MAP2K1: variants seen among roughly 807,000 people sequenced by gnomAD.
MAP2K1 encodes the protein dual specificity mitogen-activated protein kinase kinase 1.
A neutral mutation model predicts 46.3 loss-of-function variants in MAP2K1; 16 were observed. The ratio of observed to expected loss-of-function variants is 0.35; its 90% CI spans 0.23 to 0.52. The LOEUF is 0.52. Among genes scored for constraint, MAP2K1 ranks in the 20% least tolerant of loss-of-function variants. MAP2K1 has a pLI of 0.94. For missense variants in MAP2K1, 263 were observed against 497.1 expected (o/e 0.53, Z 4.48); for synonymous variants, 183 against 185.6 (o/e 0.99, Z 0.11).
intron 1 of MAP2K1, among the ~76,000 whole-genome samples, chr15:66,430,340 A>G (rs2093472192): frequency 6.6e-6 from 1 of 152,122 alleles, no homozygotes; most frequent in South Asian, 2.1e-4. Context: ...TCCTTCCTAC[A>G]GTGATTGGTT....
intron 1 of MAP2K1, among the ~76,000 whole-genome samples, chr15:66,413,148 G>A (rs559646023): frequency 7.8e-4 from 118 of 152,034 alleles, no homozygotes; most frequent in African/African-American, 2.5e-3. Flanking sequence ...CACCTGCCTC[G>A]GCCTCCCAAA....
At chr15:66,436,706 T>A (rs375197930) in intron 2 of MAP2K1, 40 bp from the exon 3 acceptor site, 1 of 1,603,472 alleles carries the variant, frequency 6.2e-7, no homozygotes, top group African/African-American at 1.3e-5. Flanking sequence ...TTCCTCCCTC[T>A]TTCTTTCATA....
intron 1 of MAP2K1, among the ~76,000 whole-genome samples, chr15:66,432,958 C>CTGTGTGTGTGTGTGTGTG: frequency 8.0e-5 from 3 of 37,540 alleles, no homozygotes; most frequent in Middle Eastern, 0.037. Context: ...CCATCATGCA[C>CTGTGTGTGTGTGTGTGTG]AGTGTGTGTG....
intron 1 of MAP2K1, among the ~76,000 whole-genome samples, chr15:66,389,290 C>T (rs1398984452): frequency 6.6e-6 from 1 of 152,178 alleles, no homozygotes; most frequent in Non-Finnish European, 1.5e-5. Context: ...GTTTTGACCA[C>T]AGTGGATTCT....
chr15:66,411,832 A>G (rs988538501), intron 1 of MAP2K1, among the ~76,000 whole-genome samples: 5 of 152,246 alleles, frequency 3.3e-5, no homozygotes, highest in Admixed American at 3.3e-4. Flanking sequence ...TTTAAAACAC[A>G]TTCCCACCCA....
chr15:66,474,159 A>G (rs1427681169), intron 5 of MAP2K1, among the ~76,000 whole-genome samples: 1 of 151,996 alleles, frequency 6.6e-6, no homozygotes, highest in Non-Finnish European at 1.5e-5. Flanking sequence ...TTTCAAAACT[A>G]ATGAGGCTTG....
chr15:66,465,433 A>G (rs565784765), intron 5 of MAP2K1, among the ~76,000 whole-genome samples: 2 of 152,176 alleles, frequency 1.3e-5, no homozygotes, highest in Non-Finnish European at 2.9e-5. Flanking sequence ...ACAGAACAGG[A>G]CAGGGATTTT....
At chr15:66,433,990 C>G (rs58869046) in intron 1 of MAP2K1, among the ~76,000 whole-genome samples, 1 of 152,242 alleles carries the variant, frequency 6.6e-6, no homozygotes, top group African/African-American at 2.4e-5. Context: ...CATACCCACT[C>G]GCTTCAGCAC....
chr15:66,430,999 A>G (rs185652620), intron 1 of MAP2K1, among the ~76,000 whole-genome samples: 1 of 152,298 alleles, frequency 6.6e-6, no homozygotes, highest in East Asian at 1.9e-4. Flanking sequence ...CAGAATTCAC[A>G]TTACAGTGTG....
intron 6 of MAP2K1, among the ~76,000 whole-genome samples, chr15:66,483,634 G>A (rs1244457823): frequency 1.3e-5 from 2 of 151,930 alleles, no homozygotes; most frequent in South Asian, 4.1e-4. Flanking sequence ...TTCAAATAAT[G>A]CTCATTAAAA....
At chr15:66,420,175 C>A (rs906359708) in intron 1 of MAP2K1, among the ~76,000 whole-genome samples, 1 of 150,452 alleles carries the variant, frequency 6.6e-6, no homozygotes, top group Non-Finnish European at 1.5e-5. Flanking sequence ...ACCGGGGAGG[C>A]GGAGGTTGTG....
chr15:66,471,266 T>C (rs1050042686), intron 5 of MAP2K1, among the ~76,000 whole-genome samples: 1 of 152,222 alleles, frequency 6.6e-6, no homozygotes, highest in Non-Finnish European at 1.5e-5. Context: ...TATATTTTTT[T>C]CTGAAATAAA....
At chr15:66,410,109 G>T (rs1307921895) in intron 1 of MAP2K1, among the ~76,000 whole-genome samples, 1 of 152,196 alleles carries the variant, frequency 6.6e-6, no homozygotes, top group African/African-American at 2.4e-5. Context: ...CCTGCATCCG[G>T]ATCCGTTGAC....
chr15:66,386,996 G>A lies in MAP2K1; in HGVS notation c.-352G>A. ...CCGGCAGGAGCTGGAGCTGGGCTCT[G>A]GTGCGCGCGCGGCTGTGCCGCCCGA... On this transcript the variant is annotated 5_prime_UTR_variant, in exon 1 of 11. Coordinates refer to ENST00000307102, the MANE Select transcript of MAP2K1 (RefSeq NM_002755.4). 3.5e-6 allele frequency: 1 copy of A among 289,252 alleles called. No individual in the cohort carries two copies. Among genetic ancestry groups the A allele is most frequent in the Non-Finnish European group, 6.4e-6 (1 of 156,970 alleles). The allele number at this position is 289,252 out of a possible 1,614,324, so 17.9% of individuals were successfully genotyped here. A position where few individuals can be genotyped will look rare whatever the true frequency, so the allele number is the denominator to read the frequency against.
chr15:66,489,065 T>C (rs1203129114), intron 8 of MAP2K1, 150 bp from the exon 9 acceptor site: 3 of 707,720 alleles, frequency 4.2e-6, no homozygotes, highest in African/African-American at 1.7e-5. Flanking sequence ...CCTGTGCCTT[T>C]CCTTGACTGG....
chr15:66,475,245 G>C (rs1892728912), intron 5 of MAP2K1, among the ~76,000 whole-genome samples: 1 of 152,182 alleles, frequency 6.6e-6, no homozygotes, highest in Non-Finnish European at 1.5e-5. Flanking sequence ...CTTTCTCTCT[G>C]TTTCTTCATC....
In MAP2K1 at chr15:66,420,404, A is replaced by T. The variant is rs567241285; in HGVS notation, c.81-14623A>T. On this transcript the variant is annotated intron_variant, in intron 1 of 10. Coordinates refer to ENST00000307102, the MANE Select transcript of MAP2K1 (RefSeq NM_002755.4). ...CAACATGGCGAAACCCAGTCTCTACAAAAAGTACAAAAATTAACCAGGCAT... is the reference window on the plus strand; with the variant it reads ...CAACATGGCGAAACCCAGTCTCTACTAAAAGTACAAAAATTAACCAGGCAT... Among the ~76,000 whole-genome samples, 17 of 151,748 alleles carry T rather than the reference A, an allele frequency of 1.1e-4. No individual in the cohort carries two copies. In the South Asian group the frequency reaches 3.5e-3, roughly 32 times the overall value.
intron 1 of MAP2K1, among the ~76,000 whole-genome samples, chr15:66,390,981 A>T (rs1321510981): frequency 1.3e-5 from 2 of 151,694 alleles, no homozygotes; most frequent in Non-Finnish European, 2.9e-5. Flanking sequence ...ATTTGCCTAA[A>T]TGTCACTTCC....
At chr15:66,477,972 G>A (rs1263067628) in intron 5 of MAP2K1, among the ~76,000 whole-genome samples, 1 of 152,112 alleles carries the variant, frequency 6.6e-6, no homozygotes, top group Non-Finnish European at 1.5e-5. Context: ...GGGATGAGGA[G>A]GTACACCTCC....
Sources: gnomAD v4.1 joint callset for allele counts (sites outside exome capture counted in the v4.1 genomes callset) on GRCh38, gnomAD v4.1.1 for gene constraint, MANE v1.5 for transcripts, NCBI Gene and HGNC (gene_info 2026-07-23, HGNC 2026-07-21) for gene names.